Variants in UBE2E2 observed in about 807,000 individuals in gnomAD.
The protein encoded by UBE2E2 is ubiquitin conjugating enzyme E2 E2.
Under a neutral mutation model 24.7 loss-of-function variants are expected in UBE2E2, and 6 were observed. The observed-to-expected ratio is 0.24, with a 90% CI of 0.13 to 0.48. The LOEUF (loss-of-function observed/expected upper bound fraction) is 0.48. UBE2E2 is among the 20% of genes least tolerant of loss of function. The pLI, the probability that UBE2E2 is intolerant of heterozygous loss-of-function variation, is 0.99. For synonymous variants in UBE2E2, 104 were observed against 83.6 expected, an observed-to-expected ratio of 1.24 and a Z score of -1.33; for missense variants, 169 against 245.0, an observed-to-expected ratio of 0.69 and a Z score of 2.07.
intron 3 of UBE2E2, among the ~76,000 whole-genome samples, chr3:23,235,210 A>T (rs949775120): frequency 6.6e-6 from 1 of 152,184 alleles, no homozygotes; most frequent in African/African-American, 2.4e-5. Context: ...GTAAACAGAC[A>T]TCATAATTGC....
chr3:23,215,860 A>G (rs913144677), intron 2 of UBE2E2, among the ~76,000 whole-genome samples: 1 of 152,148 alleles, frequency 6.6e-6, no homozygotes. Context: ...TCTGTTGTAT[A>G]CTTTTGTGTG....
chr3:23,401,240 G>GT (rs1697214056), intron 3 of UBE2E2, among the ~76,000 whole-genome samples: 1 of 152,204 alleles, frequency 6.6e-6, no homozygotes, highest in Non-Finnish European at 1.5e-5. Flanking sequence ...TGGTGAAAAG[G>GT]TAAGTCTAGA....
intron 3 of UBE2E2, among the ~76,000 whole-genome samples, chr3:23,310,083 G>A (rs1694329608): frequency 6.6e-6 from 1 of 152,162 alleles, no homozygotes; most frequent in South Asian, 2.1e-4. Flanking sequence ...ATTAGACTCT[G>A]CTTTTTGAAG....
intron 5 of UBE2E2, chr3:23,534,288 C>T (rs1303853578): frequency 3.1e-6 from 3 of 964,948 alleles, no homozygotes; most frequent in East Asian, 1.1e-4. Context: ...TCCACCAAAG[C>T]CTTCTCTCAG....
intron 3 of UBE2E2, among the ~76,000 whole-genome samples, chr3:23,295,415 G>A (rs1482393367): frequency 6.6e-6 from 1 of 152,130 alleles, no homozygotes; most frequent in Non-Finnish European, 1.5e-5. Flanking sequence ...CCTCTAAAGA[G>A]GGCTGCAAGT....
At chr3:23,291,774 C>G (rs1575536448) in intron 3 of UBE2E2, among the ~76,000 whole-genome samples, 1 of 148,582 alleles carries the variant, frequency 6.7e-6, no homozygotes, top group Admixed American at 6.7e-5. Flanking sequence ...CCTCCGTCCC[C>G]TGGGTTCAAG....
At chr3:23,586,446 C>T (rs1460549007) in intron 5 of UBE2E2, among the ~76,000 whole-genome samples, 1 of 152,030 alleles carries the variant, frequency 6.6e-6, no homozygotes, top group East Asian at 1.9e-4. Flanking sequence ...AGGGGCACAC[C>T]ACCACACCTG....
intron 3 of UBE2E2, among the ~76,000 whole-genome samples, chr3:23,425,349 T>G (rs936411509): frequency 1.3e-5 from 2 of 152,188 alleles, no homozygotes; most frequent in Admixed American, 6.5e-5. Context: ...TCTCTTGTCT[T>G]TTAAAGGGGG....
At chr3:23,527,659 A>G (rs923094071) in intron 4 of UBE2E2, among the ~76,000 whole-genome samples, 2 of 152,234 alleles carry the variant, frequency 1.3e-5, no homozygotes, top group African/African-American at 4.8e-5. Flanking sequence ...AGCATCTGAA[A>G]TTTGAGTTGA....
At chr3:23,571,851 G>T (rs1044911669) in intron 5 of UBE2E2, among the ~76,000 whole-genome samples, 1 of 152,178 alleles carries the variant, frequency 6.6e-6, no homozygotes, top group African/African-American at 2.4e-5. Flanking sequence ...AGGGGAGGGT[G>T]TGGAGAACAG....
chr3:23,541,337 A>G (rs1205344699), intron 5 of UBE2E2, among the ~76,000 whole-genome samples: 1 of 152,232 alleles, frequency 6.6e-6, no homozygotes, highest in African/African-American at 2.4e-5. Flanking sequence ...TCTTCCTCAG[A>G]AAAGAAAGCG....
At chr3:23,496,419 A>G (rs1370860748) in intron 3 of UBE2E2, among the ~76,000 whole-genome samples, 1 of 152,154 alleles carries the variant, frequency 6.6e-6, no homozygotes, top group Non-Finnish European at 1.5e-5. Flanking sequence ...GCTCCTACCC[A>G]GGAAACCACT....
chr3:23,484,498 A>G (rs542381290), intron 3 of UBE2E2, among the ~76,000 whole-genome samples: 2 of 152,284 alleles, frequency 1.3e-5, no homozygotes, highest in South Asian at 2.1e-4. Flanking sequence ...ATCCTGTGGA[A>G]CAAATACGTC....
intron 5 of UBE2E2, among the ~76,000 whole-genome samples, chr3:23,575,922 G>C (rs538220075): frequency 6.6e-6 from 1 of 152,146 alleles, no homozygotes; most frequent in African/African-American, 2.4e-5. Flanking sequence ...AATGTGCTAA[G>C]TCAATATGTG....
rs534581426 is a variant in UBE2E2, at chr3:23,226,171, G to C, written c.227+8859G>C. Among the ~76,000 whole-genome samples, 4 of 152,220 alleles carry C rather than the reference G, an allele frequency of 2.6e-5. No individual in the cohort carries two copies. In the South Asian group the frequency reaches 8.3e-4, roughly 32 times the overall value. On this transcript the variant is annotated intron_variant, in intron 3 of 5. Transcript: ENST00000396703. ...TGGGTTTACAGGTGTGAGCCACTGCGCCTGGCCGAAAAGTGTATTTTCCAC... is the reference window on the plus strand; with the variant it reads ...TGGGTTTACAGGTGTGAGCCACTGCCCCTGGCCGAAAAGTGTATTTTCCAC...
intron 3 of UBE2E2, among the ~76,000 whole-genome samples, chr3:23,240,593 A>G (rs1293802282): frequency 1.3e-5 from 2 of 152,214 alleles, no homozygotes; most frequent in African/African-American, 2.4e-5. Context: ...TGAACCTGCA[A>G]AGCTCACTGT....
In UBE2E2 at chr3:23,583,309, T is replaced by C. The variant is rs79706948; in HGVS notation, c.509-6425T>C. 6.6e-6 allele frequency among the ~76,000 whole-genome samples: 1 copy of C among 152,196 alleles called. No homozygotes were observed. The highest frequency in any genetic ancestry group is 2.4e-5 in the African/African-American group (1 of 41,456). ...CTATGTGTCTGTTTTTGTACCAGTA[T>C]CATGCTGTTTTGGTTACTATAGCCT... On this transcript the variant is annotated intron_variant, in intron 5 of 5. Transcript: ENST00000396703. This position sits in a 1 kb window ranked among gnomAD's most constrained non-coding sequence, Gnocchi z 4.1.
intron 3 of UBE2E2, among the ~76,000 whole-genome samples, chr3:23,475,241 A>G (rs1264384333): frequency 6.6e-6 from 1 of 151,966 alleles, no homozygotes; most frequent in Non-Finnish European, 1.5e-5. Flanking sequence ...TTCTGTCATA[A>G]CCTAATCCAC....
intron 3 of UBE2E2, among the ~76,000 whole-genome samples, chr3:23,322,362 TG>T (rs1694763319): frequency 6.6e-6 from 1 of 152,206 alleles, no homozygotes; most frequent in African/African-American, 2.4e-5. Context: ...CTTAATAATT[TG>T]TATCTAAGCT....
Sources: gnomAD v4.1 joint callset for allele counts (sites outside exome capture counted in the v4.1 genomes callset) on GRCh38, gnomAD v4.1.1 for gene constraint, Gnocchi (gnomAD v3.1) non-coding constraint, MANE v1.5 for transcripts, NCBI Gene and HGNC (gene_info 2026-07-23, HGNC 2026-07-21) for gene names.